The following SCHIP1 variants were observed in gnomAD, a reference collection of about 807,000 sequenced individuals.
SCHIP1 encodes schwannomin-interacting protein 1.
Under a neutral mutation model 29.7 loss-of-function variants are expected in SCHIP1, and 8 were observed. The observed-to-expected ratio is 0.27, with a 90% CI of 0.16 to 0.49. SCHIP1 has a LOEUF of 0.49. Ranked by LOEUF, SCHIP1 falls within the 20% of genes least tolerant of loss-of-function variation. The pLI is 0.99. For synonymous variants in SCHIP1, 76 were observed against 94.9 expected, an observed-to-expected ratio of 0.80 and a Z score of 1.16; for missense variants, 193 against 294.6, an observed-to-expected ratio of 0.66 and a Z score of 2.52.
the SCHIP1 span, among the ~76,000 whole-genome samples, chr3:159,287,239 T>C: frequency 4.6e-5 from 7 of 152,000 alleles, no homozygotes; most frequent in African/African-American, 1.7e-4. Context: ...TTGAATTGAT[T>C]CTTATATATA....
chr3:159,388,298 T>C, the SCHIP1 span, among the ~76,000 whole-genome samples: 4 of 152,036 alleles, frequency 2.6e-5, no homozygotes, highest in Non-Finnish European at 5.9e-5. Context: ...CAATTGCACT[T>C]AGAAAATGTA....
chr3:159,286,207 G>A, the SCHIP1 span, among the ~76,000 whole-genome samples: 2 of 152,064 alleles, frequency 1.3e-5, no homozygotes, highest in Non-Finnish European at 2.9e-5. Context: ...TTAGTTTTTT[G>A]ATGCTCATCC....
the SCHIP1 span, among the ~76,000 whole-genome samples, chr3:159,599,208 G>A: frequency 6.6e-6 from 1 of 152,096 alleles, no homozygotes; most frequent in Admixed American, 6.6e-5. Flanking sequence ...ATTGATATGT[G>A]AGGCTTTGTT....
At chr3:159,846,561 A>G (rs1577420093) in intron 1 of SCHIP1, among the ~76,000 whole-genome samples, 2 of 152,190 alleles carry the variant, frequency 1.3e-5, no homozygotes, top group Admixed American at 1.3e-4. Context: ...ATTCCACCCA[A>G]TTTAAGCCTG....
the SCHIP1 span, among the ~76,000 whole-genome samples, chr3:159,362,940 G>T: frequency 1.3e-5 from 2 of 152,172 alleles, no homozygotes; most frequent in Admixed American, 6.5e-5. Context: ...CTGTACTGGG[G>T]TAACTGGGCC....
upstream of SCHIP1, among the ~76,000 whole-genome samples, chr3:159,836,267 G>A (rs1469024809): frequency 2.0e-5 from 3 of 152,172 alleles, no homozygotes; most frequent in African/African-American, 7.2e-5. Flanking sequence ...ATGAGGCCCC[G>A]TTTCCTGATT....
the SCHIP1 span, chr3:159,764,480 C>CCGG: frequency 3.1e-6 from 5 of 1,591,660 alleles, no homozygotes; most frequent in Non-Finnish European, 4.3e-6. This position sits in a 1 kb window ranked among gnomAD's most constrained non-coding sequence, Gnocchi z 6.1. Context: ...GGCAGTGACG[C>CCGG]CGGCAGCAGC....
At chr3:159,886,411 A>G (rs1291898993) in intron 3 of SCHIP1, 87 bp downstream of exon 4, 2 of 1,247,470 alleles carry the variant, frequency 1.6e-6, no homozygotes, top group African/African-American at 3.0e-5. Flanking sequence ...AATCAGGAAC[A>G]AACATTTCAG....
At chr3:159,375,787 G>A in the SCHIP1 span, 4 of 889,572 alleles carry the variant, frequency 4.5e-6, no homozygotes, top group Non-Finnish European at 5.4e-6. Flanking sequence ...AAACTAGGAT[G>A]GGTTTTTGGA....
chr3:159,331,921 C>T, the SCHIP1 span, among the ~76,000 whole-genome samples: 16 of 152,234 alleles, frequency 1.1e-4, no homozygotes, highest in East Asian at 3.9e-4. Flanking sequence ...CTATTCCCAC[C>T]TCACCATATA....
chr3:159,560,835 G>A, the SCHIP1 span, among the ~76,000 whole-genome samples: 48 of 152,258 alleles, frequency 3.2e-4, no homozygotes, highest in African/African-American at 1.1e-3. Context: ...GGGGTGCTCC[G>A]AGCAGATGGA....
intron 2 of SCHIP1, among the ~76,000 whole-genome samples, chr3:159,883,714 A>T (rs555222216): frequency 3.9e-4 from 59 of 152,318 alleles, no homozygotes; most frequent in Admixed American, 7.2e-4. Context: ...GGTGATTACC[A>T]CTATAAGGAA....
chr3:159,500,867 T>C, the SCHIP1 span, among the ~76,000 whole-genome samples: 4 of 152,170 alleles, frequency 2.6e-5, no homozygotes, highest in Non-Finnish European at 4.4e-5. Context: ...CATAATTCTA[T>C]GTTATACTTA....
chr3:159,742,234 G>T, the SCHIP1 span, among the ~76,000 whole-genome samples: 3 of 152,050 alleles, frequency 2.0e-5, no homozygotes, highest in Non-Finnish European at 4.4e-5. Flanking sequence ...CAAAAAAAAA[G>T]AAATGCAGTT....
chr3:159,491,789 A>G, the SCHIP1 span, among the ~76,000 whole-genome samples: 1 of 152,230 alleles, frequency 6.6e-6, no homozygotes, highest in African/African-American at 2.4e-5. Context: ...ATCTGAGAAC[A>G]GGCAGACTGC....
chr3:159,362,705 C>A, the SCHIP1 span, among the ~76,000 whole-genome samples: 81 of 152,304 alleles, frequency 5.3e-4, 2 homozygotes, highest in South Asian at 0.013. Context: ...GGATTTCCCC[C>A]CCGGCCATGA....
chr3:159,604,419 G>T, the SCHIP1 span, among the ~76,000 whole-genome samples: 4 of 152,156 alleles, frequency 2.6e-5, no homozygotes, highest in Admixed American at 2.6e-4. Flanking sequence ...CCAAGAACTT[G>T]GTCACAAGTG....
chr3:159,616,570 G>C, the SCHIP1 span, among the ~76,000 whole-genome samples: 3 of 152,340 alleles, frequency 2.0e-5, no homozygotes, highest in East Asian at 5.8e-4. Context: ...ACTAGACACA[G>C]TGCCACGTAG....
At chr3:159,608,129 C>T in the SCHIP1 span, among the ~76,000 whole-genome samples, 2 of 152,102 alleles carry the variant, frequency 1.3e-5, no homozygotes, top group Non-Finnish European at 2.9e-5. Context: ...ACAATGTGAT[C>T]GTTATGGACA....
Sources: gnomAD v4.1 joint callset for allele counts (sites outside exome capture counted in the v4.1 genomes callset) on GRCh38, gnomAD v4.1.1 for gene constraint, Gnocchi (gnomAD v3.1) non-coding constraint, MANE v1.5 for transcripts, NCBI Gene and HGNC (gene_info 2026-07-23, HGNC 2026-07-21) for gene names.